DENND1A: variants seen among roughly 807,000 people sequenced by gnomAD.
The protein encoded by DENND1A is DENN domain containing 1A.
In DENND1A, 51 loss-of-function variants were observed where a neutral mutation model predicts 113.7. The observed-to-expected ratio is 0.45, with a 90% CI of 0.36 to 0.57. DENND1A has a LOEUF of 0.57. DENND1A is among the 20% of genes least tolerant of loss of function. The probability of loss-of-function intolerance (pLI) is 0.00; values close to 1 mark genes in which losing one functional copy is unlikely to be tolerated. For synonymous variants in DENND1A, 565 were observed against 570.8 expected (o/e 0.99, Z 0.14); for missense variants, 1,258 against 1,395.9 (o/e 0.90, Z 1.57).
Position 123,457,339 on chromosome 9 carries a change from G to C in DENND1A, c.1186+9C>G. On this transcript the variant is annotated intron_variant, in intron 15 of 23. Coordinates refer to ENST00000394215, the MANE Select transcript of DENND1A (RefSeq NM_001352964.2). ...TGCAGCCCCGGAAGGAAAATGAGTT[G>C]CTTCTCACCAGCGTACTCGCCCATG... is the stretch of plus-strand genomic sequence containing the variant. The C allele has an allele frequency of 6.2e-7, 1 of 1,610,540 alleles. No homozygotes were observed.
intron 11 of DENND1A, among the ~76,000 whole-genome samples, chr9:123,584,346 A>G (rs2059062639): frequency 6.6e-6 from 1 of 152,240 alleles, no homozygotes. Context: ...ACCTCTGAGC[A>G]TGCTGCATGT....
At chr9:123,466,890 A>G (rs899725518) in intron 13 of DENND1A, among the ~76,000 whole-genome samples, 3 of 151,852 alleles carry the variant, frequency 2.0e-5, no homozygotes, top group African/African-American at 7.3e-5. Context: ...TTAAAAAAAA[A>G]AAAAAAACTA....
chr9:123,893,557 T>C (rs1336047823), intron 1 of DENND1A, among the ~76,000 whole-genome samples: 1 of 152,212 alleles, frequency 6.6e-6, no homozygotes, highest in Non-Finnish European at 1.5e-5. Context: ...ATCACTTACA[T>C]GCCTTGTATA....
At chr9:123,795,342 C>A (rs1248107681) in intron 2 of DENND1A, among the ~76,000 whole-genome samples, 2 of 152,184 alleles carry the variant, frequency 1.3e-5, no homozygotes, top group African/African-American at 4.8e-5. Flanking sequence ...AGGCTGAAAT[C>A]TTTTTTCACA....
chr9:123,454,588 T>C, intron 16 of DENND1A, 151 bp downstream of exon 16: 1 of 790,196 alleles, frequency 1.3e-6, no homozygotes, highest in Non-Finnish European at 2.1e-6. Flanking sequence ...AGTCTCCATC[T>C]GGCATGAGAA....
intron 2 of DENND1A, among the ~76,000 whole-genome samples, chr9:123,829,515 A>T (rs1590261059): frequency 6.6e-6 from 1 of 152,130 alleles, no homozygotes; most frequent in Non-Finnish European, 1.5e-5. Context: ...GTAAAAGGAG[A>T]TAAATTCAAA....
chr9:123,781,974 G>A lies in DENND1A; in HGVS notation c.132+10613C>T, dbSNP rs938484234. ...AGTCCCAGCTACTCAGGAGGATGAG[G>A]AAGAAGAATCGCTTGAACCTGGGAG... On this transcript the variant is annotated intron_variant, in intron 3 of 23. Transcript: ENST00000394215. Among the ~76,000 whole-genome samples the A allele has an allele frequency of 2.6e-5, 4 of 152,180 alleles. No homozygotes were observed. The South Asian group carries it at 6.2e-4, about 24-fold the overall frequency.
At chr9:123,859,191 T>C (rs1290595906) in intron 2 of DENND1A, among the ~76,000 whole-genome samples, 2 of 152,310 alleles carry the variant, frequency 1.3e-5, no homozygotes, top group Admixed American at 1.3e-4. Context: ...TACAGTTTTC[T>C]GTATGCTAAC....
chr9:123,745,191 G>A (rs1467080562), intron 5 of DENND1A, among the ~76,000 whole-genome samples: 1 of 152,080 alleles, frequency 6.6e-6, no homozygotes, highest in Non-Finnish European at 1.5e-5. Flanking sequence ...TGGAATGCAG[G>A]CCCTACTCTG....
intron 1 of DENND1A, among the ~76,000 whole-genome samples, chr9:123,917,983 G>A (rs993491640): frequency 5.3e-5 from 8 of 149,698 alleles, no homozygotes; most frequent in Non-Finnish European, 8.9e-5. Flanking sequence ...GCGTGGTGGC[G>A]GGCACCTGTA....
At chr9:123,598,074 C>A (rs1220213099) in intron 11 of DENND1A, among the ~76,000 whole-genome samples, 5 of 152,178 alleles carry the variant, frequency 3.3e-5, no homozygotes, top group Non-Finnish European at 7.3e-5. Context: ...GCCCTCTGAC[C>A]TTTCAACCCT....
At chr9:123,582,431 G>T (rs1311511802) in intron 12 of DENND1A, among the ~76,000 whole-genome samples, 14 of 148,762 alleles carry the variant, frequency 9.4e-5, no homozygotes, top group African/African-American at 3.2e-4. Context: ...ATGGAGTCTT[G>T]CTCTGTCGCC....
At chr9:123,455,341 G>A (rs2048037222) in intron 15 of DENND1A, among the ~76,000 whole-genome samples, 1 of 152,204 alleles carries the variant, frequency 6.6e-6, no homozygotes, top group Non-Finnish European at 1.5e-5. Context: ...GCGCCTCACG[G>A]CCTCTCCATC....
intron 21 of DENND1A, among the ~76,000 whole-genome samples, chr9:123,399,938 G>T (rs2043340089): frequency 6.6e-6 from 1 of 152,224 alleles, no homozygotes; most frequent in South Asian, 2.1e-4. Context: ...GCTAGCCCAA[G>T]AGGGCCTAGA....
At chr9:123,617,177 C>G (rs888428792) in intron 10 of DENND1A, among the ~76,000 whole-genome samples, 5 of 152,182 alleles carry the variant, frequency 3.3e-5, no homozygotes, top group Non-Finnish European at 7.4e-5. Flanking sequence ...AATGTCTTTC[C>G]TGGTTTCCAA....
chr9:123,868,512 T>G (rs1846097507), intron 2 of DENND1A, among the ~76,000 whole-genome samples: 1 of 152,218 alleles, frequency 6.6e-6, no homozygotes, highest in Non-Finnish European at 1.5e-5. Context: ...GTACTATTAG[T>G]GCCCCATTTT....
At chr9:123,560,349 A>T (rs2057673292) in intron 12 of DENND1A, among the ~76,000 whole-genome samples, 1 of 152,212 alleles carries the variant, frequency 6.6e-6, no homozygotes, top group Non-Finnish European at 1.5e-5. Flanking sequence ...CTGTTGATAA[A>T]GGGCGTGCCT....
At chr9:123,487,012 T>C (rs1366711080) in intron 13 of DENND1A, among the ~76,000 whole-genome samples, 1 of 151,886 alleles carries the variant, frequency 6.6e-6, no homozygotes, top group Non-Finnish European at 1.5e-5. Context: ...CCACTGAGAG[T>C]TGCTGCACAG....
At chr9:123,807,276 C>A (rs1167772910) in intron 2 of DENND1A, among the ~76,000 whole-genome samples, 1 of 152,036 alleles carries the variant, frequency 6.6e-6, no homozygotes, top group East Asian at 1.9e-4. Flanking sequence ...ATGAACTTTG[C>A]AAATAAATAT....
Sources: allele counts gnomAD v4.1 joint callset (sites outside exome capture counted in the v4.1 genomes callset), GRCh38; gene constraint gnomAD v4.1.1; transcripts MANE v1.5; gene names NCBI Gene and HGNC (gene_info 2026-07-23, HGNC 2026-07-21).